The following ARHGAP23 variants were observed in gnomAD, a reference collection of about 807,000 sequenced individuals.
ARHGAP23 encodes the protein Rho GTPase activating protein 23.
Under a neutral mutation model 136.3 loss-of-function variants are expected in ARHGAP23, and 34 were observed. The ratio of observed to expected loss-of-function variants is 0.25; its 90% confidence interval spans 0.19 to 0.33. The LOEUF (loss-of-function observed/expected upper bound fraction) is 0.33. Among genes scored for constraint, ARHGAP23 ranks in the 10% least tolerant of loss-of-function variants. The pLI is 1.00. For synonymous variants in ARHGAP23, 832 were observed against 920.5 expected (o/e 0.90, Z 1.74); for missense variants, 1,808 against 2,139.0 (o/e 0.85, Z 3.05).
chr17:38,423,371 G>T (rs529353108), intron 1 of ARHGAP23, among the ~76,000 whole-genome samples: 1 of 150,556 alleles, frequency 6.6e-6, no homozygotes, highest in Non-Finnish European at 1.5e-5. Context: ...TTTTTGTTTT[G>T]CTTTTTGTTT....
chr17:38,473,593 C>T (rs1467194980), intron 11 of ARHGAP23, among the ~76,000 whole-genome samples: 5 of 147,878 alleles, frequency 3.4e-5, no homozygotes, highest in Admixed American at 1.3e-4. Flanking sequence ...CCCTGCCCTC[C>T]TGGGGCTCCT....
chr17:38,434,535 A>G (rs1246076205), intron 1 of ARHGAP23, among the ~76,000 whole-genome samples: 1 of 152,124 alleles, frequency 6.6e-6, no homozygotes, highest in Non-Finnish European at 1.5e-5. Context: ...GAGGGATAGA[A>G]ACAGACCCGG....
intron 1 of ARHGAP23, among the ~76,000 whole-genome samples, chr17:38,438,126 T>G (rs548061679): frequency 4.9e-4 from 74 of 152,148 alleles, no homozygotes; most frequent in Non-Finnish European, 4.4e-4. Context: ...ATCGAGACCG[T>G]CCTGGCCAAC....
chr17:38,451,472 G>T (rs894568243), intron 1 of ARHGAP23: 1 of 152,236 alleles, frequency 6.6e-6, no homozygotes, highest in Non-Finnish European at 1.5e-5. Flanking sequence ...TTTGAATTCC[G>T]CAGAGGTGGA....
At chr17:38,421,609 G>T (rs2038521510) in intron 1 of ARHGAP23, among the ~76,000 whole-genome samples, 1 of 152,222 alleles carries the variant, frequency 6.6e-6, no homozygotes, top group South Asian at 2.1e-4. Context: ...GTGGATTTTG[G>T]CATGGAGGGC....
At chr17:38,494,906 G>A (rs2040357547) in intron 20 of ARHGAP23, among the ~76,000 whole-genome samples, 1 of 152,204 alleles carries the variant, frequency 6.6e-6, no homozygotes, top group Non-Finnish European at 1.5e-5. Context: ...AGACGCTGTG[G>A]CTTGCAGAGT....
In ARHGAP23 at chr17:38,469,198, C is replaced by T; in HGVS notation, c.1703C>T (p.Ala568Val). The change falls in exon 8 of 24, where the codon GCT (alanine) becomes GTT (valine). Residue 568 changes from alanine to valine, a missense_variant. Ala to Val is a moderately conservative substitution (Grantham distance 64, BLOSUM62 0). This residue lies in a region of ARHGAP23 where 859 missense variants were observed against 936.4 expected (regional missense o/e 0.92). Coordinates refer to ENST00000622683, the MANE Select transcript of ARHGAP23 (RefSeq NM_001199417.2). ...CAAGCCAAGCACGTCCCTGCCTCTG[C>T]TGTGGTCTCCAGTGCCATGAACTCA... ...DLQAKHVPAS[A>V]VVSSAMNSAP... The T allele has an allele frequency of 6.4e-7, 1 of 1,551,684 alleles. No individual in the cohort carries two copies. The highest frequency in any genetic ancestry group is 2.4e-5 in the East Asian group (1 of 40,924).
At chr17:38,498,361 T>C (rs1161784551) in intron 21 of ARHGAP23, 53 bp from the exon 22 acceptor site, 3 of 1,430,890 alleles carry the variant, frequency 2.1e-6, no homozygotes, top group African/African-American at 1.4e-5. Context: ...CTCTGGGGGG[T>C]TGGCAGCCCA....
chr17:38,453,773 C>T (rs887927742), intron 1 of ARHGAP23: 1 of 145,662 alleles, frequency 6.9e-6, no homozygotes, highest in Non-Finnish European at 1.5e-5. Flanking sequence ...CCCTTCGGGG[C>T]CCCCGGGCCC....
intron 16 of ARHGAP23, among the ~76,000 whole-genome samples, chr17:38,484,971 G>A (rs1166381557): frequency 1.3e-5 from 2 of 152,068 alleles, no homozygotes; most frequent in African/African-American, 2.4e-5. Context: ...GTATTAGGTC[G>A]CTTTCTGGGC....
At chr17:38,452,814 C>T (rs1231881606) in intron 1 of ARHGAP23, among the ~76,000 whole-genome samples, 1 of 152,198 alleles carries the variant, frequency 6.6e-6, no homozygotes, top group East Asian at 1.9e-4. Flanking sequence ...GGGGCTAGCA[C>T]AACATGGCGC....
rs1947198970 is a variant in ARHGAP23, at chr17:38,458,134, T to C, written c.96T>C (p.Pro32=). 1.3e-6 allele frequency: 2 copies of C among 1,536,008 alleles called. No homozygotes were observed. The highest frequency in any genetic ancestry group is 1.4e-5 in the African/African-American group (1 of 73,052). The change falls in exon 2 of 24, where the codon CCT becomes CCC. Residue 32 remains proline (P), a synonymous_variant. Coordinates refer to ENST00000622683, the MANE Select transcript of ARHGAP23 (RefSeq NM_001199417.2). ...TGGGCCCAAGAGATGGGTGCTCTCC[T>C]AGGCGCCCCTTCCCCTGGCAGGGGC... ...LPLGPRDGCS[P]RRPFPWQGPR... is the part of the protein sequence containing the mutation.
chr17:38,428,629 C>A, intron 1 of ARHGAP23, 81 bp downstream of exon 1: 1 of 991,712 alleles, frequency 1.0e-6, no homozygotes, highest in Non-Finnish European at 1.3e-6. Context: ...GCTGCGACCC[C>A]GCTCGCCCTG....
intron 21 of ARHGAP23, 52 bp downstream of exon 21, chr17:38,497,878 C>A: frequency 6.5e-7 from 1 of 1,541,842 alleles, no homozygotes; most frequent in South Asian, 1.2e-5. Flanking sequence ...GGGGTGAGCC[C>A]CAGTCCTTGG....
At chr17:38,485,266 T>C (rs1372330685) in intron 16 of ARHGAP23, among the ~76,000 whole-genome samples, 1 of 152,118 alleles carries the variant, frequency 6.6e-6, no homozygotes, top group African/African-American at 2.4e-5. Flanking sequence ...AAAATCAAAA[T>C]GGCTCCAGAC....
intron 23 of ARHGAP23, among the ~76,000 whole-genome samples, chr17:38,507,143 G>A (rs2040651332): frequency 6.6e-6 from 1 of 151,930 alleles, no homozygotes; most frequent in African/African-American, 2.4e-5. Context: ...GTGTGGTGGT[G>A]TATGCCTGTA....
Position 38,482,037 on chromosome 17 carries a change from C to G in ARHGAP23, c.2645C>G (p.Ala882Gly). Residue 882 changes from alanine (A) to glycine (G), a missense_variant, in exon 15 of 24, where the codon GCC becomes GGC. Physicochemically the swap from Ala to Gly is moderately conservative, Grantham distance 60 (BLOSUM62 0). Coordinates refer to ENST00000622683, the MANE Select transcript of ARHGAP23 (RefSeq NM_001199417.2). ...CCCACTTCAGATGACAGTGCTGCAG[C>G]CCCCAAAACCCCCTGGGGCATCAAC... is the stretch of plus-strand genomic sequence containing the variant. ...PAGSKDDSAA[A>G]PKTPWGINII... 1 of 1,541,104 alleles carries G rather than the reference C, an allele frequency of 6.5e-7. No homozygotes were observed. Among genetic ancestry groups the G allele is most frequent in the East Asian group, 2.5e-5 (1 of 40,574 alleles).
chr17:38,471,206 G>T (rs1466695310), intron 10 of ARHGAP23, among the ~76,000 whole-genome samples: 2 of 152,298 alleles, frequency 1.3e-5, no homozygotes, highest in Non-Finnish European at 2.9e-5. Context: ...ACCTGTCTCA[G>T]CTTCCCAAAG....
At chr17:38,505,260 G>A (rs1437628338) in intron 23 of ARHGAP23, among the ~76,000 whole-genome samples, 1 of 151,450 alleles carries the variant, frequency 6.6e-6, no homozygotes, top group Admixed American at 6.6e-5. Flanking sequence ...CTGCTGCCTC[G>A]GCCTCCCAAA....
Sources: gnomAD v4.1 joint callset for allele counts (sites outside exome capture counted in the v4.1 genomes callset) on GRCh38, gnomAD v4.1.1 for gene constraint, gnomAD v4.1.1 regional missense constraint, MANE v1.5 for transcripts, NCBI Gene and HGNC (gene_info 2026-07-23, HGNC 2026-07-21) for gene names.